The following WIPF2 variants were observed in gnomAD, a reference collection of about 807,000 sequenced individuals.
WIPF2 encodes the protein WAS/WASL interacting protein family member 2.
In WIPF2, 23 loss-of-function variants were observed where a neutral mutation model predicts 38.8. The observed-to-expected ratio is 0.59, with a 90% CI of 0.43 to 0.84. The LOEUF (loss-of-function observed/expected upper bound fraction) is 0.84. Among genes scored for constraint, WIPF2 ranks in the 40% least tolerant of loss-of-function variants. WIPF2 has a pLI of 0.00. For missense variants in WIPF2, 574 were observed against 580.5 expected (o/e 0.99, Z 0.11); for synonymous variants, 210 against 223.2 (o/e 0.94, Z 0.53).
chr17:40,280,991 A>G lies in WIPF2; in HGVS notation c.*2766A>G, dbSNP rs114054875. 1 of 152,642 alleles carries G rather than the reference A, an allele frequency of 6.6e-6. No individual in the cohort carries two copies. The highest frequency in any genetic ancestry group is 2.4e-5 in the African/African-American group (1 of 41,442). The allele number at this position is 152,642 out of a possible 1,614,324, so 9.5% of individuals were successfully genotyped here. On this transcript the variant is annotated 3_prime_UTR_variant, in exon 8 of 8. Coordinates refer to ENST00000323571, the MANE Select transcript of WIPF2 (RefSeq NM_133264.5). ...ATTTACTATTGAAGATGGGAATGTG[A>G]TCTGCATAGTTATCAGTCTATTTTG...
Position 40,260,527 on chromosome 17 carries a change from T to C in WIPF2, c.64-8T>C, listed in dbSNP as rs752508176. Reference sequence around the variant, plus strand: ...TTAGGGTGAACTTATATTTCTCTTATCCTCCAGGCAAACACAGAGCAGCCC... The same window carrying C: ...TTAGGGTGAACTTATATTTCTCTTACCCTCCAGGCAAACACAGAGCAGCCC... On this transcript the variant is annotated splice_polypyrimidine_tract_variant and splice_region_variant and intron_variant, in intron 2 of 7. Coordinates refer to ENST00000323571, the MANE Select transcript of WIPF2 (RefSeq NM_133264.5). 5.0e-6 allele frequency: 8 copies of C among 1,613,374 alleles called. No individual in the cohort carries two copies. The highest frequency in any genetic ancestry group is 3.3e-5 in the Admixed American group (2 of 59,926).
At chr17:40,248,163 C>CTTTTTTTTTTTTTTTTT (rs60359132) in intron 1 of WIPF2, among the ~76,000 whole-genome samples, 4 of 47,620 alleles carry the variant, frequency 8.4e-5, no homozygotes, top group Admixed American at 2.3e-4. Context: ...AAAGTTATTT[C>CTTTTTTTTTTTTTTTTT]TTTTTTTTTT....
chr17:40,231,558 G>GGA, intron 1 of WIPF2, among the ~76,000 whole-genome samples: 1 of 151,882 alleles, frequency 6.6e-6, no homozygotes, highest in East Asian at 1.9e-4. Context: ...TGAGTAGCTG[G>GGA]GATTACAGGT....
chr17:40,263,195 A>G (rs906790383), intron 4 of WIPF2, among the ~76,000 whole-genome samples: 3 of 151,902 alleles, frequency 2.0e-5, no homozygotes, highest in Non-Finnish European at 2.9e-5. Context: ...ATGGAAGACA[A>G]TTTTTCCATA....
At chr17:40,243,059 G>A (rs2031245606) in intron 1 of WIPF2, among the ~76,000 whole-genome samples, 1 of 152,174 alleles carries the variant, frequency 6.6e-6, no homozygotes, top group Non-Finnish European at 1.5e-5. Context: ...GAACACAGGA[G>A]TAGACTTCTC....
intron 1 of WIPF2, among the ~76,000 whole-genome samples, chr17:40,231,454 T>A (rs1047786923): frequency 6.9e-6 from 1 of 144,552 alleles, no homozygotes; most frequent in African/African-American, 2.6e-5. Flanking sequence ...TGAGACGGAG[T>A]CTTGCTCTGT....
chr17:40,230,238 C>T (rs1040517815), intron 1 of WIPF2, among the ~76,000 whole-genome samples: 1 of 152,116 alleles, frequency 6.6e-6, no homozygotes, highest in African/African-American at 2.4e-5. Flanking sequence ...GCTCAGGAGG[C>T]TGAGGGAGGA....
At chr17:40,247,562 C>T (rs1598480547) in intron 1 of WIPF2, among the ~76,000 whole-genome samples, 2 of 151,750 alleles carry the variant, frequency 1.3e-5, no homozygotes, top group South Asian at 2.1e-4. Flanking sequence ...TACTCCTTCA[C>T]CCAGGCTGGA....
chr17:40,236,607 CT>C (rs56250344), intron 1 of WIPF2, among the ~76,000 whole-genome samples: 5,709 of 133,468 alleles, frequency 0.043, 185 homozygotes, highest in Non-Finnish European at 0.067. Flanking sequence ...CACTCAGCCT[CT>C]TTTTTTTTTT....
At chr17:40,251,112 C>G (rs1009940400) in intron 1 of WIPF2, among the ~76,000 whole-genome samples, 2 of 151,824 alleles carry the variant, frequency 1.3e-5, no homozygotes, top group African/African-American at 4.8e-5. Flanking sequence ...GACGGGGTTT[C>G]ACTGTGTTAG....
chr17:40,264,346 A>G (rs904058667), intron 4 of WIPF2, 144 bp from the exon 5 acceptor site: 13 of 670,946 alleles, frequency 1.9e-5, no homozygotes, highest in East Asian at 5.7e-5. Flanking sequence ...AAAAAAAAAA[A>G]AAAAAAAGAA....
intron 3 of WIPF2, among the ~76,000 whole-genome samples, chr17:40,262,077 CTTTTTTTT>C (rs34246534): frequency 2.4e-5 from 3 of 122,610 alleles, no homozygotes; most frequent in Admixed American, 8.5e-5. Flanking sequence ...TTTCTTTTCT[CTTTTTTTT>C]TTTTTTTTTG....
chr17:40,263,881 AT>A (rs2031993143), intron 4 of WIPF2, among the ~76,000 whole-genome samples: 1 of 152,100 alleles, frequency 6.6e-6, no homozygotes, highest in African/African-American at 2.4e-5. Flanking sequence ...TAAAAAAAAT[AT>A]GTGAGGTGAT....
chr17:40,230,969 A>G (rs2085101270), intron 1 of WIPF2, among the ~76,000 whole-genome samples: 1 of 152,168 alleles, frequency 6.6e-6, no homozygotes, highest in South Asian at 2.1e-4. Context: ...TTTATCTGCA[A>G]GTGTATTGAC....
chr17:40,224,547 A>G (rs539812877), intron 1 of WIPF2, among the ~76,000 whole-genome samples: 30 of 150,570 alleles, frequency 2.0e-4, no homozygotes, highest in African/African-American at 7.1e-4. Context: ...CGCCCGGCCC[A>G]GCCTGCTTCT....
intron 6 of WIPF2, among the ~76,000 whole-genome samples, chr17:40,275,446 C>T (rs2032369137): frequency 6.6e-6 from 1 of 152,078 alleles, no homozygotes; most frequent in South Asian, 2.1e-4. Context: ...CTAAGAGATT[C>T]TGATTCCTTG....
intron 5 of WIPF2, among the ~76,000 whole-genome samples, chr17:40,266,263 G>C (rs773187701): frequency 2.6e-5 from 4 of 151,600 alleles, no homozygotes; most frequent in Admixed American, 6.6e-5. Context: ...AAAAATGAGG[G>C]CTGAGCCCTC....
At chr17:40,222,587 T>TGTGTGTGTGTGTGTGTG (rs1027492144) in intron 1 of WIPF2, among the ~76,000 whole-genome samples, 85 of 146,422 alleles carry the variant, frequency 5.8e-4, no homozygotes, top group African/African-American at 1.9e-3. Context: ...GTGTGTGTGT[T>TGTGTGTGTGTGTGTGTG]TGTGTGTGTG....
chr17:40,274,619 A>G (rs1327009039), intron 6 of WIPF2, among the ~76,000 whole-genome samples: 1 of 150,244 alleles, frequency 6.7e-6, no homozygotes, highest in African/African-American at 2.4e-5. Context: ...GCCTGGAAAG[A>G]AAAAAGAAGA....
Sources: gnomAD v4.1 joint callset for allele counts (sites outside exome capture counted in the v4.1 genomes callset) on GRCh38, gnomAD v4.1.1 for gene constraint, MANE v1.5 for transcripts, NCBI Gene and HGNC (gene_info 2026-07-23, HGNC 2026-07-21) for gene names.